The following STOX1 variants were observed in gnomAD, a reference collection of about 807,000 sequenced individuals.
STOX1 encodes storkhead box 1, also known as storkhead-box protein 1.
In STOX1, 57 loss-of-function variants were observed where a neutral mutation model predicts 74.8. That is an observed-to-expected ratio of 0.76 (90% CI 0.62 to 0.95). The LOEUF (loss-of-function observed/expected upper bound fraction) is 0.95. STOX1 is among the 40% of genes least tolerant of loss of function. The pLI, the probability that STOX1 is intolerant of heterozygous loss-of-function variation, is 0.00. For synonymous variants in STOX1, 375 were observed against 401.3 expected (o/e 0.93, Z 0.78); for missense variants, 1,010 against 1,117.0 (o/e 0.90, Z 1.37).
intron 1 of STOX1, among the ~76,000 whole-genome samples, chr10:68,829,739 G>A (rs1839358438): frequency 6.6e-6 from 1 of 151,706 alleles, no homozygotes; most frequent in African/African-American, 2.4e-5. Context: ...TTTTTCTTAA[G>A]CTCAAAAAAG....
rs367907106 is a variant in STOX1, at chr10:68,845,886, C to T, written c.310+17953C>T. ...CAAAGTGCTGGGATTATAGGTGTGA[C>T]CCACCGCACCCAGCCCCAATTTTTG... On this transcript the variant is annotated intron_variant, in intron 1 of 3. Transcript: ENST00000298596. Among the ~76,000 whole-genome samples, 43 of 151,370 alleles carry T rather than the reference C, an allele frequency of 2.8e-4. No individual in the cohort carries two copies. In the South Asian group the frequency reaches 8.6e-3, roughly 30 times the overall value.
intron 1 of STOX1, among the ~76,000 whole-genome samples, chr10:68,834,493 A>G (rs745435505): frequency 2.0e-4 from 31 of 152,242 alleles, no homozygotes; most frequent in Non-Finnish European, 3.5e-4. Flanking sequence ...GAATGACAGT[A>G]GGACATCTTA....
chr10:68,876,960 C>T (rs776081959), intron 1 of STOX1, among the ~76,000 whole-genome samples: 6 of 152,200 alleles, frequency 3.9e-5, no homozygotes, highest in African/African-American at 1.4e-4. Context: ...CAGACCATAA[C>T]TGAAGCTCGA....
rs1386133319 is a variant in STOX1 at position 68,827,757 on chromosome 10, C to G, written c.134C>G (p.Ala45Gly). The change falls in exon 1 of 4, where the codon GCG becomes GGG. Residue 45 changes from alanine (A) to glycine (G), a missense_variant. Ala to Gly is a moderately conservative substitution (Grantham distance 60). Transcript: ENST00000298596. ...TTCCGCGCTTTCCGTCGCGCCAACG[C>G]GCGCTGCTTCTGGAACGCGCGGCTG... ...AVFRAFRRAN[A>G]RCFWNARLAR... 2.7e-6 allele frequency: 2 copies of G among 744,314 alleles called. No homozygotes were observed. Among genetic ancestry groups the G allele is most frequent in the African/African-American group, 5.0e-5 (2 of 40,236 alleles). The allele number at this position is 744,314 out of a possible 1,614,324, so 46.1% of individuals were successfully genotyped here.
At chr10:68,879,073 T>G (rs1840747320) in intron 1 of STOX1, among the ~76,000 whole-genome samples, 1 of 152,106 alleles carries the variant, frequency 6.6e-6, no homozygotes, top group Non-Finnish European at 1.5e-5. Flanking sequence ...CTACTGGTGA[T>G]CCTCATATGC....
intron 2 of STOX1, among the ~76,000 whole-genome samples, chr10:68,883,214 A>G (rs1840852311): frequency 1.8e-5 from 1 of 56,224 alleles, no homozygotes; most frequent in South Asian, 1.0e-3. Context: ...CATCTCTACT[A>G]AAAACTACAA....
chr10:68,852,249 C>T (rs112004866), intron 1 of STOX1, among the ~76,000 whole-genome samples: 34,835 of 118,838 alleles, frequency 0.29, 5,679 homozygotes, highest in Non-Finnish European at 0.39. Flanking sequence ...TCTCTTACTG[C>T]TTTTTTTTTT....
chr10:68,853,296 T>C (rs1589223395), intron 1 of STOX1, among the ~76,000 whole-genome samples: 1 of 152,138 alleles, frequency 6.6e-6, no homozygotes, highest in Admixed American at 6.5e-5. Flanking sequence ...GCAGCACTTA[T>C]TCAGCTATTG....
intron 1 of STOX1, among the ~76,000 whole-genome samples, chr10:68,873,507 C>CT (rs1840590756): frequency 1.4e-5 from 2 of 146,310 alleles, no homozygotes; most frequent in Admixed American, 1.4e-4. Flanking sequence ...GTGATCCACC[C>CT]GCCTCAGCCT....
At chr10:68,880,121 T>G (rs1840775468) in intron 1 of STOX1, among the ~76,000 whole-genome samples, 1 of 152,032 alleles carries the variant, frequency 6.6e-6, no homozygotes, top group African/African-American at 2.4e-5. Context: ...ATTGGAACTT[T>G]AATTTCTGTC....
intron 1 of STOX1, among the ~76,000 whole-genome samples, chr10:68,846,119 T>TTTATTATTATTATTATTAATATTATTA (rs1554827709): frequency 3.6e-4 from 49 of 135,848 alleles, no homozygotes; most frequent in Admixed American, 8.6e-4. Flanking sequence ...GCTTGAGGTT[T>TTTATTATTATTATTATTAATATTATTA]TTATTATTAT....
chr10:68,872,922 T>A (rs1477586279), intron 1 of STOX1, among the ~76,000 whole-genome samples: 1 of 152,208 alleles, frequency 6.6e-6, no homozygotes, highest in African/African-American at 2.4e-5. Flanking sequence ...TTGTTCTTTT[T>A]TTTTTTCCCC....
intron 2 of STOX1, among the ~76,000 whole-genome samples, chr10:68,883,545 C>A (rs1281910443): frequency 6.6e-6 from 1 of 152,010 alleles, no homozygotes; most frequent in Non-Finnish European, 1.5e-5. Context: ...TCCAAAGCAT[C>A]TGGTACTACA....
intron 1 of STOX1, among the ~76,000 whole-genome samples, chr10:68,881,434 C>G (rs950716155): frequency 1.3e-5 from 2 of 152,178 alleles, no homozygotes; most frequent in African/African-American, 2.4e-5. Context: ...CTGATCATCC[C>G]AATCAGGAAA....
chr10:68,885,722 A>G lies in STOX1; in HGVS notation c.1926A>G (p.Pro642=), dbSNP rs1480387871. The G allele has an allele frequency of 6.2e-7, 1 of 1,614,186 alleles. No individual in the cohort carries two copies. The highest frequency in any genetic ancestry group is 2.2e-5 in the East Asian group (1 of 44,886). ...GETKQTPHSL[P]SRGASFSDRT... ...CCAAACAGACTCCGCATAGTCTGCC[A>G]TCACGAGGTGCCTCCTTTTCAGACC... Residue 642 remains proline (P), a synonymous_variant, in exon 3 of 4, where the codon CCA becomes CCG. Transcript: ENST00000298596.
At chr10:68,860,665 T>G (rs1840245471) in intron 1 of STOX1, among the ~76,000 whole-genome samples, 1 of 151,582 alleles carries the variant, frequency 6.6e-6, no homozygotes, top group Non-Finnish European at 1.5e-5. Context: ...GATGCTTTCC[T>G]GCCTCCATAC....
At chr10:68,845,274 T>TA (rs1839810330) in intron 1 of STOX1, among the ~76,000 whole-genome samples, 1 of 146,966 alleles carries the variant, frequency 6.8e-6, no homozygotes, top group Non-Finnish European at 1.5e-5. Flanking sequence ...CTGGCTAATT[T>TA]TTTTTTTTTT....
At chr10:68,873,282 A>T (rs1279554841) in intron 1 of STOX1, among the ~76,000 whole-genome samples, 6 of 78,764 alleles carry the variant, frequency 7.6e-5, no homozygotes, top group African/African-American at 3.0e-4. Context: ...TTTTTTTGAG[A>T]CGGAGTCTCG....
intron 1 of STOX1, among the ~76,000 whole-genome samples, chr10:68,853,731 G>T: frequency 6.6e-6 from 1 of 151,802 alleles, no homozygotes; most frequent in East Asian, 1.9e-4. Context: ...TTGCTGCCAG[G>T]CTGGAGTGCA....
Sources: gnomAD v4.1 joint callset for allele counts (sites outside exome capture counted in the v4.1 genomes callset) on GRCh38, gnomAD v4.1.1 for gene constraint, MANE v1.5 for transcripts, NCBI Gene and HGNC (gene_info 2026-07-23, HGNC 2026-07-21) for gene names.